BCAS3: variants seen among roughly 807,000 people sequenced by gnomAD.
BCAS3 encodes the protein BCAS4/BCAS3 fusion.
A neutral mutation model predicts 116.1 loss-of-function variants in BCAS3; 53 were observed. The observed-to-expected ratio is 0.46, with a 90% CI of 0.37 to 0.57. BCAS3 has a LOEUF of 0.57. Among genes scored for constraint, BCAS3 ranks in the 20% least tolerant of loss-of-function variants. The pLI is 0.00. For synonymous variants in BCAS3, 391 were observed against 408.2 expected (o/e 0.96, Z 0.51); for missense variants, 917 against 1,165.4 (o/e 0.79, Z 3.10).
In BCAS3 at chr17:61,198,212, C is replaced by T. The variant is rs2080607540; in HGVS notation, c.2425+113648C>T. ...CTGGAGTGCAGTGGCCCAATCTCAGCTTACTGCAAGCTCCACCTCCCAGGT... is the reference window on the plus strand; with the variant it reads ...CTGGAGTGCAGTGGCCCAATCTCAGTTTACTGCAAGCTCCACCTCCCAGGT... On this transcript the variant is annotated intron_variant, in intron 22 of 23. Coordinates refer to ENST00000407086, the MANE Select transcript of BCAS3 (RefSeq NM_017679.5). This position sits in a 1 kb window ranked among gnomAD's most constrained non-coding sequence, Gnocchi z 5.0. Among the ~76,000 whole-genome samples, 1 of 150,992 alleles carries T rather than the reference C, an allele frequency of 6.6e-6. No homozygotes were observed. Among genetic ancestry groups the T allele is most frequent in the Non-Finnish European group, 1.5e-5 (1 of 67,926 alleles).
At chr17:60,761,996 A>G (rs1028286282) in intron 6 of BCAS3, among the ~76,000 whole-genome samples, 2 of 152,020 alleles carry the variant, frequency 1.3e-5, no homozygotes, top group East Asian at 3.9e-4. Context: ...TGGCTGCATA[A>G]ATGTCTTCTT....
intron 5 of BCAS3, among the ~76,000 whole-genome samples, chr17:60,744,693 C>T (rs533611802): frequency 6.2e-4 from 94 of 152,078 alleles, no homozygotes; most frequent in African/African-American, 2.2e-3. Flanking sequence ...GTTTCCTCTG[C>T]TCCCCCCAAC....
rs1333436785 is a variant in BCAS3 at position 61,012,207 on chromosome 17, G to A, written c.1487-3544G>A. Among the ~76,000 whole-genome samples, 2 of 151,974 alleles carry A rather than the reference G, an allele frequency of 1.3e-5. No individual in the cohort carries two copies. Among genetic ancestry groups the A allele is most frequent in the African/African-American group, 2.4e-5 (1 of 41,394 alleles). On this transcript the variant is annotated intron_variant, in intron 15 of 23. Coordinates refer to ENST00000407086, the MANE Select transcript of BCAS3 (RefSeq NM_017679.5). The surrounding 1 kb of genome is among the most constrained non-coding windows in gnomAD (Gnocchi z 4.5). Reference sequence around the variant, plus strand: ...ACATTACATTATGAACTCTTTGAAAGTCCCTTGGACTTACTCCTTCAGAAT... The same window carrying A: ...ACATTACATTATGAACTCTTTGAAAATCCCTTGGACTTACTCCTTCAGAAT...
At chr17:61,157,568 CTCT>C (rs893523257) in intron 22 of BCAS3, 2 of 151,940 alleles carry the variant, frequency 1.3e-5, no homozygotes, top group Non-Finnish European at 2.9e-5. Flanking sequence ...CCTTCTCTTC[CTCT>C]GTTTCTCTCT....
In BCAS3 at chr17:61,161,096, A is replaced by G. The variant is rs2078144414; in HGVS notation, c.2425+76532A>G. ...AGATGATGAAGGATAGCATGTCTGAAAAAAGCTAACATAAAAGTCTCAATT... is the reference window on the plus strand; with the variant it reads ...AGATGATGAAGGATAGCATGTCTGAGAAAAGCTAACATAAAAGTCTCAATT... On this transcript the variant is annotated intron_variant, in intron 22 of 23. Coordinates refer to ENST00000407086, the MANE Select transcript of BCAS3 (RefSeq NM_017679.5). This position sits in a 1 kb window ranked among gnomAD's most constrained non-coding sequence, Gnocchi z 4.8. 1.3e-5 allele frequency among the ~76,000 whole-genome samples: 2 copies of G among 152,216 alleles called. No homozygotes were observed. Among genetic ancestry groups the G allele is most frequent in the African/African-American group, 2.4e-5 (1 of 41,462 alleles).
At chr17:61,370,158 G>C (rs1369193172) in intron 23 of BCAS3, among the ~76,000 whole-genome samples, 1 of 152,158 alleles carries the variant, frequency 6.6e-6, no homozygotes. Context: ...TTCAGGAGAG[G>C]CTTTGTGGCC....
At position 60,857,216 on chromosome 17, in the gene BCAS3, A is replaced by G. The variant is rs147153597; in HGVS notation, c.477-11360A>G. Among the ~76,000 whole-genome samples the G allele has an allele frequency of 2.3e-3, 348 of 152,334 alleles. 1 individual carries two copies. Among genetic ancestry groups the G allele is most frequent in the Non-Finnish European group, 4.1e-3 (278 of 68,028 alleles). On this transcript the variant is annotated intron_variant, in intron 7 of 23. Transcript: ENST00000407086. ...TATATGTATATATGGGATCCTGGGC[A>G]CAAATTACAGATTTTTAAAGAAGCA...
At chr17:60,781,092 T>C (rs1222453008) in intron 6 of BCAS3, among the ~76,000 whole-genome samples, 3 of 151,712 alleles carry the variant, frequency 2.0e-5, no homozygotes, top group African/African-American at 7.3e-5. Flanking sequence ...CCCCAGCCTC[T>C]GGAGTAGGTT....
At position 61,278,615 on chromosome 17, in the gene BCAS3, A is replaced by C. The variant is rs2050978003; in HGVS notation, c.2426-89712A>C. On this transcript the variant is annotated intron_variant, in intron 22 of 23. Coordinates refer to ENST00000407086, the MANE Select transcript of BCAS3 (RefSeq NM_017679.5). The surrounding 1 kb of genome is among the most constrained non-coding windows in gnomAD (Gnocchi z 5.8). Reference sequence around the variant, plus strand: ...TATTCCAACACATTCATGGATAAACAAAATGTGGTGTGTTCCTACAGTGGA... The same window carrying C: ...TATTCCAACACATTCATGGATAAACCAAATGTGGTGTGTTCCTACAGTGGA... Among the ~76,000 whole-genome samples the C allele has an allele frequency of 6.6e-6, 1 of 152,228 alleles. No homozygotes were observed. Among genetic ancestry groups the C allele is most frequent in the Non-Finnish European group, 1.5e-5 (1 of 68,032 alleles).
chr17:61,294,909 T>C (rs1013773755), intron 22 of BCAS3, among the ~76,000 whole-genome samples: 1 of 152,214 alleles, frequency 6.6e-6, no homozygotes, highest in Non-Finnish European at 1.5e-5. Context: ...TCTGCCCCTA[T>C]GGTGCCTTCA....
At chr17:60,839,208 T>G (rs1280574951) in intron 7 of BCAS3, among the ~76,000 whole-genome samples, 3 of 152,226 alleles carry the variant, frequency 2.0e-5, no homozygotes, top group Non-Finnish European at 4.4e-5. Flanking sequence ...TATTATAACT[T>G]AATTTCCAGT....
Position 61,244,117 on chromosome 17 carries a change from A to G in BCAS3, c.2426-124210A>G, listed in dbSNP as rs929842836. ...AAAGAATAATATGTCAAATTAAAGC[A>G]TTTTTAAACCTCTTTTTTTAACTCA... is the stretch of plus-strand genomic sequence containing the variant. On this transcript the variant is annotated intron_variant, in intron 22 of 23. Coordinates refer to ENST00000407086, the MANE Select transcript of BCAS3 (RefSeq NM_017679.5). The surrounding 1 kb of genome is among the most constrained non-coding windows in gnomAD (Gnocchi z 4.9). 3.3e-5 allele frequency among the ~76,000 whole-genome samples: 5 copies of G among 152,210 alleles called. No homozygotes were observed. The highest frequency in any genetic ancestry group is 1.2e-4 in the African/African-American group (5 of 41,454).
rs1321929957 is a variant in BCAS3, at chr17:61,199,720, T to C, written c.2425+115156T>C. The stretch of plus-strand genomic sequence containing the variant: ...AACAGCAGTGACAGCTTAATTTTGA[T>C]AGGATCCCTATGATCTTTGTAAGCG... On this transcript the variant is annotated intron_variant, in intron 22 of 23. Transcript: ENST00000407086. This position sits in a 1 kb window ranked among gnomAD's most constrained non-coding sequence, Gnocchi z 4.6. Among the ~76,000 whole-genome samples the C allele has an allele frequency of 6.8e-6, 1 of 147,468 alleles. No individual in the cohort carries two copies. Among genetic ancestry groups the C allele is most frequent in the Non-Finnish European group, 1.5e-5 (1 of 66,902 alleles).
intron 21 of BCAS3, among the ~76,000 whole-genome samples, chr17:61,080,904 A>T (rs112690345): frequency 1.3e-5 from 2 of 152,156 alleles, no homozygotes; most frequent in Non-Finnish European, 2.9e-5. Flanking sequence ...TTCCAGCATA[A>T]TTCCTCCAGC....
intron 7 of BCAS3, among the ~76,000 whole-genome samples, chr17:60,850,433 T>C (rs1599148117): frequency 6.9e-6 from 1 of 144,066 alleles, no homozygotes; most frequent in Admixed American, 7.1e-5. Flanking sequence ...ATCTCGGCTC[T>C]CTGCAACCTC....
At chr17:60,978,598 A>G (rs896314863) in intron 14 of BCAS3, among the ~76,000 whole-genome samples, 1 of 152,014 alleles carries the variant, frequency 6.6e-6, no homozygotes, top group Admixed American at 6.5e-5. Context: ...CCTGAATGGT[A>G]AAGCCTAGGT....
intron 22 of BCAS3, among the ~76,000 whole-genome samples, chr17:61,099,362 T>G (rs1408968696): frequency 6.6e-6 from 1 of 152,052 alleles, no homozygotes; most frequent in African/African-American, 2.4e-5. Flanking sequence ...TCAGTGATAA[T>G]CAACAATGAT....
rs952477864 is a variant in BCAS3, at chr17:61,302,755, C to T, written c.2426-65572C>T. Among the ~76,000 whole-genome samples the T allele has an allele frequency of 6.6e-6, 1 of 152,030 alleles. No homozygotes were observed. Among genetic ancestry groups the T allele is most frequent in the Admixed American group, 6.6e-5 (1 of 15,258 alleles). ...CCTTCATTTACAATATCAGCTACGG[C>T]CTCTGGATGTGTTTTTATCTAAGAG... is the stretch of plus-strand genomic sequence containing the variant. On this transcript the variant is annotated intron_variant, in intron 22 of 23. Coordinates refer to ENST00000407086, the MANE Select transcript of BCAS3 (RefSeq NM_017679.5). This position sits in a 1 kb window ranked among gnomAD's most constrained non-coding sequence, Gnocchi z 4.4.
chr17:61,036,242 A>T (rs1278593605), intron 17 of BCAS3: 2 of 152,236 alleles, frequency 1.3e-5, no homozygotes, highest in Non-Finnish European at 2.9e-5. Context: ...TTCTCTGGTG[A>T]GTTCCACAGG....
Sources: allele counts gnomAD v4.1 joint callset (sites outside exome capture counted in the v4.1 genomes callset), GRCh38; gene constraint gnomAD v4.1.1; non-coding constraint Gnocchi (gnomAD v3.1); transcripts MANE v1.5; gene names NCBI Gene and HGNC (gene_info 2026-07-23, HGNC 2026-07-21).